Variants in KHDRBS2 observed in about 807,000 individuals in gnomAD.
The protein encoded by KHDRBS2 is KH domain-containing, RNA-binding, signal transduction-associated protein 2.
A neutral mutation model predicts 44.3 loss-of-function variants in KHDRBS2; 26 were observed. The observed-to-expected ratio is 0.59, with a 90% confidence interval of 0.43 to 0.81. The LOEUF is 0.81. Among genes scored for constraint, KHDRBS2 ranks in the 40% least tolerant of loss-of-function variants. The pLI is 0.00. For synonymous variants in KHDRBS2, 194 were observed against 151.1 expected, an observed-to-expected ratio of 1.28 and a Z score of -2.08; for missense variants, 476 against 433.1, an observed-to-expected ratio of 1.10 and a Z score of -0.88.
At chr6:61,941,765 G>A (rs1409119930) in intron 4 of KHDRBS2, among the ~76,000 whole-genome samples, 1 of 152,138 alleles carries the variant, frequency 6.6e-6, no homozygotes, top group African/African-American at 2.4e-5. Context: ...AGGAAAAAGT[G>A]TTCTGCTATT....
chr6:61,906,780 T>C (rs1406211377), intron 4 of KHDRBS2, among the ~76,000 whole-genome samples: 1 of 152,206 alleles, frequency 6.6e-6, no homozygotes, highest in African/African-American at 2.4e-5. Context: ...AACCACATTT[T>C]CTTTTTTCAT....
chr6:61,956,094 T>C (rs1299873821), intron 4 of KHDRBS2, among the ~76,000 whole-genome samples: 4 of 151,928 alleles, frequency 2.6e-5, no homozygotes, highest in Non-Finnish European at 5.9e-5. Flanking sequence ...TCGGGGAGGC[T>C]GAGGCAGGAG....
At chr6:62,168,924 C>T (rs756513486) in intron 2 of KHDRBS2, among the ~76,000 whole-genome samples, 58 of 150,758 alleles carry the variant, frequency 3.8e-4, no homozygotes, top group African/African-American at 1.3e-3. Context: ...CTGTAATATG[C>T]ACTATAGGTG....
chr6:62,137,854 T>C (rs1811908907), intron 2 of KHDRBS2, among the ~76,000 whole-genome samples: 1 of 152,248 alleles, frequency 6.6e-6, no homozygotes. Flanking sequence ...CCAGTTCATA[T>C]TCTGGTGTCC....
At chr6:61,654,961 AC>A in the KHDRBS2 span, among the ~76,000 whole-genome samples, 3 of 151,542 alleles carry the variant, frequency 2.0e-5, no homozygotes, top group African/African-American at 4.8e-5. Flanking sequence ...CAGGGTACTT[AC>A]CCCCAAATCC....
At chr6:62,034,294 A>T (rs905329959) in intron 3 of KHDRBS2, among the ~76,000 whole-genome samples, 4 of 151,964 alleles carry the variant, frequency 2.6e-5, no homozygotes, top group South Asian at 2.1e-4. Flanking sequence ...TCCAACAAAC[A>T]GAGGAGAAAC....
intron 2 of KHDRBS2, among the ~76,000 whole-genome samples, chr6:62,078,629 T>C (rs945595650): frequency 1.3e-5 from 2 of 151,964 alleles, no homozygotes; most frequent in East Asian, 1.9e-4. Flanking sequence ...ATTTATACCA[T>C]TGAAGTCATG....
At chr6:61,601,021 T>G in the KHDRBS2 span, among the ~76,000 whole-genome samples, 48 of 152,286 alleles carry the variant, frequency 3.2e-4, no homozygotes, top group African/African-American at 1.2e-3. Context: ...TGCCTGATTA[T>G]TCACCCACAT....
intron 4 of KHDRBS2, among the ~76,000 whole-genome samples, chr6:61,919,742 C>T (rs376012201): frequency 6.6e-6 from 1 of 151,484 alleles, no homozygotes; most frequent in Non-Finnish European, 1.5e-5. Context: ...CAAAAAAAAA[C>T]CCCACCAAAC....
chr6:61,680,885 A>T lies in KHDRBS2; in HGVS notation c.*78T>A. 1 of 835,316 alleles carries T rather than the reference A, an allele frequency of 1.2e-6. No individual in the cohort carries two copies. The allele number at this position is 835,316 out of a possible 1,614,324, so 51.7% of individuals were successfully genotyped here. A position where few individuals can be genotyped will look rare whatever the true frequency, so the allele number is the denominator to read the frequency against. On this transcript the variant is annotated 3_prime_UTR_variant, in exon 9 of 9. Transcript: ENST00000281156. ...ACAAACAAACAAAAAAAGGACTATT[A>T]CTTGTCTTGTTGCTGTTTATGTGGA...
intron 2 of KHDRBS2, among the ~76,000 whole-genome samples, chr6:62,133,722 T>C (rs62415604): frequency 0.061 from 9,281 of 152,144 alleles, 411 homozygotes; most frequent in Non-Finnish European, 0.092. Flanking sequence ...ATGTTGATAG[T>C]GATATGGATA....
intron 4 of KHDRBS2, among the ~76,000 whole-genome samples, chr6:61,907,165 C>T (rs569366204): frequency 3.5e-4 from 53 of 152,252 alleles, no homozygotes; most frequent in Admixed American, 1.0e-3. Context: ...TAATGTTGAG[C>T]ATTTTTTTCA....
chr6:62,178,766 C>A (rs1563010761), intron 1 of KHDRBS2, among the ~76,000 whole-genome samples: 1 of 151,236 alleles, frequency 6.6e-6, no homozygotes, highest in Non-Finnish European at 1.5e-5. Context: ...GTAAATATTT[C>A]TTTTTGTTCT....
chr6:61,807,165 C>CA (rs983837171), intron 6 of KHDRBS2, among the ~76,000 whole-genome samples: 2 of 151,890 alleles, frequency 1.3e-5, no homozygotes, highest in African/African-American at 4.8e-5. Context: ...ACTAAAAAGT[C>CA]AAAAAATCAT....
chr6:61,772,134 G>C (rs529941186), intron 6 of KHDRBS2, among the ~76,000 whole-genome samples: 1 of 152,130 alleles, frequency 6.6e-6, no homozygotes, highest in Non-Finnish European at 1.5e-5. Flanking sequence ...CGAGAACAAA[G>C]ACACAACATT....
chr6:61,981,742 C>T (rs933592637), intron 3 of KHDRBS2, among the ~76,000 whole-genome samples: 1 of 152,160 alleles, frequency 6.6e-6, no homozygotes, highest in Non-Finnish European at 1.5e-5. Context: ...TTCATGTTCT[C>T]TCACTTTGTA....
chr6:62,285,755 G>C, intron 1 of KHDRBS2, 103 bp downstream of exon 1: 1 of 728,536 alleles, frequency 1.4e-6, no homozygotes, highest in South Asian at 1.7e-5. Context: ...CAGTTTCTGC[G>C]AAGGCGGGGA....
At chr6:62,190,515 C>T (rs1393097513) in intron 1 of KHDRBS2, among the ~76,000 whole-genome samples, 1 of 152,040 alleles carries the variant, frequency 6.6e-6, no homozygotes, top group South Asian at 2.1e-4. Context: ...TTGTTGAGGT[C>T]GTCTGCGCTA....
At chr6:61,983,244 T>TTCTTTCTTTCTTTCTTTC (rs1583957414) in intron 3 of KHDRBS2, among the ~76,000 whole-genome samples, 3 of 38,024 alleles carry the variant, frequency 7.9e-5, no homozygotes, top group Non-Finnish European at 1.2e-4. Flanking sequence ...TTCTTTTTTT[T>TTCTTTCTTTCTTTCTTTC]TTTTTTTTTT....
Sources: allele counts gnomAD v4.1 joint callset (sites outside exome capture counted in the v4.1 genomes callset), GRCh38; gene constraint gnomAD v4.1.1; transcripts MANE v1.5; gene names NCBI Gene and HGNC (gene_info 2026-07-23, HGNC 2026-07-21).